The following STXBP5L variants were observed in gnomAD, a reference collection of about 807,000 sequenced individuals.
STXBP5L encodes the protein syntaxin-binding protein 5-like.
A neutral mutation model predicts 144.5 loss-of-function variants in STXBP5L; 65 were observed. That is an observed-to-expected ratio of 0.45 (90% CI 0.37 to 0.55). STXBP5L has a LOEUF of 0.55. Ranked by LOEUF, STXBP5L falls within the 20% of genes least tolerant of loss-of-function variation. The pLI, the probability that STXBP5L is intolerant of heterozygous loss-of-function variation, is 0.00. For synonymous variants in STXBP5L, 505 were observed against 469.6 expected (o/e 1.08, Z -0.97); for missense variants, 1,298 against 1,405.5 (o/e 0.92, Z 1.22).
chr3:121,287,726 G>T (rs576102191), intron 19 of STXBP5L, among the ~76,000 whole-genome samples: 1 of 152,184 alleles, frequency 6.6e-6, no homozygotes, highest in Admixed American at 6.5e-5. Flanking sequence ...AAACTCAGGA[G>T]GCTGAGGCAG....
At chr3:121,001,178 C>T (rs1190166269) in intron 3 of STXBP5L, among the ~76,000 whole-genome samples, 1 of 152,186 alleles carries the variant, frequency 6.6e-6, no homozygotes, top group Non-Finnish European at 1.5e-5. Context: ...CTGGCATAGC[C>T]ATTGGGGAGG....
At chr3:121,350,231 T>C (rs551345797) in intron 20 of STXBP5L, among the ~76,000 whole-genome samples, 9 of 152,264 alleles carry the variant, frequency 5.9e-5, no homozygotes, top group South Asian at 2.1e-4. Context: ...TTAGTTTGGC[T>C]GGATATGAAG....
rs540179579 is a variant in STXBP5L, at chr3:121,096,438, CT to C, written c.471-18486del. On this transcript the variant is annotated intron_variant, in intron 5 of 26. Coordinates refer to ENST00000471454, the MANE Select transcript of STXBP5L (RefSeq NM_001308330.2). Reference sequence around the variant, plus strand: ...GATTCTTTCGTGGAGAAGAGGTGTTCTGGTTTTTGGAATTTTCAGCCACTTT... The same window carrying C: ...GATTCTTTCGTGGAGAAGAGGTGTTCGGTTTTTGGAATTTTCAGCCACTTT... 5.3e-5 allele frequency among the ~76,000 whole-genome samples: 8 copies of C among 152,252 alleles called. No homozygotes were observed. The East Asian group carries it at 1.5e-3, about 29-fold the overall frequency.
intron 5 of STXBP5L, among the ~76,000 whole-genome samples, chr3:121,091,466 C>A (rs2107734843): frequency 6.6e-6 from 1 of 152,182 alleles, no homozygotes; most frequent in East Asian, 1.9e-4. Context: ...TTAATGATTG[C>A]CATTCTAACT....
intron 20 of STXBP5L, chr3:121,324,582 C>A: frequency 1.5e-6 from 1 of 684,482 alleles, no homozygotes; most frequent in Non-Finnish European, 2.6e-6. Flanking sequence ...ATATCACTTG[C>A]CAGGTGAAGA....
chr3:121,288,365 G>A (rs1256045561), intron 19 of STXBP5L, among the ~76,000 whole-genome samples: 1 of 152,190 alleles, frequency 6.6e-6, no homozygotes, highest in African/African-American at 2.4e-5. Flanking sequence ...ATAATAGTGG[G>A]ATTGCTGGGT....
intron 20 of STXBP5L, among the ~76,000 whole-genome samples, chr3:121,351,294 G>T (rs1252987315): frequency 1.3e-5 from 2 of 152,156 alleles, no homozygotes; most frequent in Non-Finnish European, 2.9e-5. Context: ...AACAGCAAAT[G>T]TGGCTGCCTG....
chr3:121,269,214 C>T (rs1033920212), intron 18 of STXBP5L, among the ~76,000 whole-genome samples: 3 of 151,790 alleles, frequency 2.0e-5, no homozygotes, highest in East Asian at 1.9e-4. Flanking sequence ...CCTGGTTGGC[C>T]GAAGTCTAAC....
intron 20 of STXBP5L, among the ~76,000 whole-genome samples, chr3:121,371,887 G>T (rs2108662036): frequency 6.6e-6 from 1 of 152,356 alleles, no homozygotes; most frequent in African/African-American, 2.4e-5. Flanking sequence ...CAACAACAAT[G>T]GTGGTACCGC....
At chr3:121,069,838 T>A (rs2041723985) in intron 5 of STXBP5L, among the ~76,000 whole-genome samples, 1 of 152,190 alleles carries the variant, frequency 6.6e-6, no homozygotes, top group Admixed American at 6.5e-5. Context: ...TCCAGCAGTA[T>A]TTGTTGAAGA....
chr3:121,319,132 A>G (rs1378807207), intron 20 of STXBP5L, among the ~76,000 whole-genome samples: 2 of 152,124 alleles, frequency 1.3e-5, no homozygotes, highest in Non-Finnish European at 2.9e-5. Context: ...TGGTGGGAAT[A>G]TGACTGGTTG....
At chr3:121,030,823 A>G (rs1343470015) in intron 3 of STXBP5L, among the ~76,000 whole-genome samples, 1 of 152,114 alleles carries the variant, frequency 6.6e-6, no homozygotes, top group South Asian at 2.1e-4. Context: ...ATATTTTAGG[A>G]AAATTCAATG....
At chr3:121,363,764 G>T (rs747944985) in intron 20 of STXBP5L, among the ~76,000 whole-genome samples, 1 of 151,900 alleles carries the variant, frequency 6.6e-6, no homozygotes, top group Admixed American at 6.6e-5. Flanking sequence ...TTTTTTTTCT[G>T]TGTAGATATT....
intron 9 of STXBP5L, among the ~76,000 whole-genome samples, chr3:121,178,757 A>G (rs2047028865): frequency 6.6e-6 from 1 of 152,112 alleles, no homozygotes; most frequent in South Asian, 2.1e-4. Flanking sequence ...GAGAAGAGCC[A>G]TATAGGCATT....
intron 3 of STXBP5L, among the ~76,000 whole-genome samples, chr3:120,981,916 C>T (rs1447200183): frequency 6.6e-6 from 1 of 152,146 alleles, no homozygotes; most frequent in Non-Finnish European, 1.5e-5. Flanking sequence ...TAGGTGCTTT[C>T]AGGTATCAAG....
chr3:121,418,683 A>T, intron 26 of STXBP5L, 126 bp downstream of exon 26: 1 of 934,306 alleles, frequency 1.1e-6, no homozygotes, highest in Non-Finnish European at 1.6e-6. Context: ...GGTAACCTAG[A>T]TCTCTTCTAA....
chr3:121,312,446 C>CTTTTTTTTTTTTTTT (rs58989280), intron 19 of STXBP5L, among the ~76,000 whole-genome samples: 9 of 12,752 alleles, frequency 7.1e-4, no homozygotes, highest in African/African-American at 8.5e-4. Context: ...GTATGTCAAT[C>CTTTTTTTTTTTTTTT]TTTTTTTTTT....
intron 5 of STXBP5L, chr3:121,049,708 A>C (rs970498674): frequency 1.9e-5 from 3 of 154,130 alleles, no homozygotes; most frequent in Non-Finnish European, 4.4e-5. Context: ...GATAAGGTCT[A>C]CTGGGCCTAG....
intron 22 of STXBP5L, among the ~76,000 whole-genome samples, chr3:121,398,450 C>T (rs773731448): frequency 5.9e-5 from 9 of 152,256 alleles, no homozygotes; most frequent in Non-Finnish European, 1.3e-4. Flanking sequence ...GAACAGCGCC[C>T]AGGATGGGCC....
Sources: gnomAD v4.1 joint callset for allele counts (sites outside exome capture counted in the v4.1 genomes callset) on GRCh38, gnomAD v4.1.1 for gene constraint, MANE v1.5 for transcripts, NCBI Gene and HGNC (gene_info 2026-07-23, HGNC 2026-07-21) for gene names.